MICU1: variants seen among roughly 807,000 people sequenced by gnomAD.
MICU1 encodes mitochondrial calcium uptake 1, also known as calcium uptake protein 1, mitochondrial.
MICU1 carries 45 observed loss-of-function variants against 56.8 expected under a neutral mutation model. The observed-to-expected ratio is 0.79, with a 90% confidence interval of 0.62 to 1.02. The LOEUF is 1.02. MICU1 is among the 50% of genes least tolerant of loss of function. The pLI is 0.00. For missense variants in MICU1, 504 were observed against 587.1 expected, an observed-to-expected ratio of 0.86 and a Z score of 1.46; for synonymous variants, 186 against 195.1, an observed-to-expected ratio of 0.95 and a Z score of 0.39.
chr10:72,464,275 G>A (rs564784821), intron 8 of MICU1, among the ~76,000 whole-genome samples: 1 of 129,496 alleles, frequency 7.7e-6, no homozygotes, highest in Non-Finnish European at 1.5e-5. Flanking sequence ...TAGCCGGGGT[G>A]ACAGAGTGAG....
At chr10:72,560,269 G>C (rs1290774952) in intron 3 of MICU1, 1 of 152,242 alleles carries the variant, frequency 6.6e-6, no homozygotes. Flanking sequence ...GCACCATGTT[G>C]GAACAGGGCA....
chr10:72,458,358 A>C (rs1226045597), intron 8 of MICU1, among the ~76,000 whole-genome samples: 1 of 152,188 alleles, frequency 6.6e-6, no homozygotes, highest in Non-Finnish European at 1.5e-5. Context: ...GTTCTTCCTT[A>C]ATTTCTGACA....
intron 10 of MICU1, among the ~76,000 whole-genome samples, chr10:72,395,245 G>C (rs1324163310): frequency 6.6e-6 from 1 of 151,940 alleles, no homozygotes. Context: ...TCGATCTCCT[G>C]ACCTTGTGAT....
intron 5 of MICU1, among the ~76,000 whole-genome samples, chr10:72,521,858 A>G (rs531671901): frequency 5.3e-5 from 7 of 132,454 alleles, no homozygotes; most frequent in African/African-American, 2.0e-4. Context: ...GTCCAAGCCA[A>G]TGATACAGGT....
rs150425768 is a variant in MICU1, at chr10:72,546,385, A to G, written c.493+4794T>C. Among the ~76,000 whole-genome samples, 10 of 152,322 alleles carry G rather than the reference A, an allele frequency of 6.6e-5. No individual in the cohort carries two copies. In the East Asian group the frequency reaches 1.9e-3, roughly 29 times the overall value. The stretch of plus-strand genomic sequence containing the variant: ...TAACATACTCTTGTGCCAATCATCA[A>G]GTTGTAGCCAATTATTCAAATGATG... On this transcript the variant is annotated intron_variant, in intron 4 of 11. Transcript: ENST00000361114.
chr10:72,548,674 C>G (rs1839955387), intron 4 of MICU1, among the ~76,000 whole-genome samples: 1 of 152,118 alleles, frequency 6.6e-6, no homozygotes, highest in African/African-American at 2.4e-5. Flanking sequence ...TTGAAAATTT[C>G]CACAACCAAA....
At chr10:72,463,812 G>A (rs1284320382) in intron 8 of MICU1, among the ~76,000 whole-genome samples, 3 of 152,102 alleles carry the variant, frequency 2.0e-5, no homozygotes, top group South Asian at 4.1e-4. Flanking sequence ...TAGACCACAC[G>A]CATCATCATT....
intron 1 of MICU1, among the ~76,000 whole-genome samples, chr10:72,624,074 A>G (rs1278885798): frequency 6.6e-6 from 1 of 152,252 alleles, no homozygotes. Context: ...AAGCTTTATC[A>G]ATTATATTAG....
At chr10:72,574,266 C>T (rs955352233) in intron 1 of MICU1, among the ~76,000 whole-genome samples, 3 of 152,258 alleles carry the variant, frequency 2.0e-5, no homozygotes, top group African/African-American at 4.8e-5. Context: ...TGGTGGCTCA[C>T]GCCTGTAATC....
intron 8 of MICU1, among the ~76,000 whole-genome samples, chr10:72,428,113 G>A (rs1268297161): frequency 1.3e-5 from 2 of 152,146 alleles, no homozygotes; most frequent in Non-Finnish European, 2.9e-5. Context: ...CTTTAAAGAG[G>A]CAGCTTTATT....
chr10:72,514,936 C>G (rs1399577107), intron 5 of MICU1, among the ~76,000 whole-genome samples: 8 of 152,200 alleles, frequency 5.3e-5, no homozygotes, highest in Admixed American at 5.2e-4. Context: ...GTCTGCTTGT[C>G]CCAGCTGCTA....
chr10:72,484,885 C>A (rs896910364), intron 6 of MICU1, among the ~76,000 whole-genome samples: 2 of 152,092 alleles, frequency 1.3e-5, no homozygotes, highest in Non-Finnish European at 2.9e-5. Flanking sequence ...AAAAATTCCA[C>A]AAGAAACAGT....
At chr10:72,450,513 G>A (rs1366084131) in intron 8 of MICU1, among the ~76,000 whole-genome samples, 2 of 151,960 alleles carry the variant, frequency 1.3e-5, no homozygotes, top group Non-Finnish European at 2.9e-5. Flanking sequence ...TGCCAAACAG[G>A]TTCTTTTCTG....
intron 8 of MICU1, among the ~76,000 whole-genome samples, chr10:72,451,024 C>CTTTTTTTTT (rs34430004): frequency 1.7e-5 from 2 of 115,032 alleles, no homozygotes; most frequent in Non-Finnish European, 3.4e-5. Flanking sequence ...TCCCTTAAAT[C>CTTTTTTTTT]TTTTTTTTTT....
At position 72,566,880 on chromosome 10, in the gene MICU1, C is replaced by T. The variant is rs180841407; in HGVS notation, c.-1-86G>A. On this transcript the variant is annotated intron_variant, in intron 1 of 11. Coordinates refer to ENST00000361114, the MANE Select transcript of MICU1 (RefSeq NM_001195518.2). ...TGATCCTACCAACATTTCTAATAAA[C>T]ACTAAAGTAATTGCTCTATGACAGG... 23 of 1,178,058 alleles carry T rather than the reference C, an allele frequency of 2.0e-5. No individual in the cohort carries two copies. The Admixed American group carries it at 4.7e-4, about 24-fold the overall frequency. 73.0% of individuals were successfully genotyped at this position (1,178,058 alleles called of 1,614,324 possible). A position where few individuals can be genotyped will look rare whatever the true frequency, so the allele number is the denominator to read the frequency against.
At chr10:72,618,679 T>C (rs10823937) in intron 1 of MICU1, among the ~76,000 whole-genome samples, 2 of 152,038 alleles carry the variant, frequency 1.3e-5, no homozygotes, top group African/African-American at 4.8e-5. Context: ...GAAACTATCA[T>C]CTCAAACTAG....
intron 1 of MICU1, among the ~76,000 whole-genome samples, chr10:72,575,979 T>G (rs1374124971): frequency 6.6e-6 from 1 of 152,052 alleles, no homozygotes; most frequent in Non-Finnish European, 1.5e-5. Context: ...TTTGGGAGGC[T>G]GAGGCGGGTG....
Position 72,407,952 on chromosome 10 carries a change from A to G in MICU1, c.1157T>C (p.Met386Thr), listed in dbSNP as rs775509649. 1.4e-5 allele frequency: 22 copies of G among 1,612,976 alleles called. No homozygotes were observed. The highest frequency in any genetic ancestry group is 1.8e-5 in the Non-Finnish European group (21 of 1,179,352). Reference protein sequence around the residue: ...DVDTALSFYHMAGASLDKVTM... With the variant: ...DVDTALSFYHTAGASLDKVTM... ...ACCTTTATCAAGAGATGCTCCAGCC[A>G]TATGGTAAAAACTCAATGCAGTGTC... Residue 386 changes from methionine to threonine, a missense_variant, in exon 10 of 12, where the codon ATG (methionine) becomes ACG (threonine). By Grantham distance (81) the Met-to-Thr change is moderately conservative. Coordinates refer to ENST00000361114, the MANE Select transcript of MICU1 (RefSeq NM_001195518.2).
At chr10:72,609,683 G>A (rs1342939212) in intron 1 of MICU1, among the ~76,000 whole-genome samples, 7 of 150,206 alleles carry the variant, frequency 4.7e-5, no homozygotes, top group African/African-American at 7.4e-5. Context: ...GTAGTGAGCC[G>A]AGATCGCGCC....
Sources: allele counts gnomAD v4.1 joint callset (sites outside exome capture counted in the v4.1 genomes callset), GRCh38; gene constraint gnomAD v4.1.1; transcripts MANE v1.5; gene names NCBI Gene and HGNC (gene_info 2026-07-23, HGNC 2026-07-21).